Variants in ANO2 observed in about 807,000 individuals in gnomAD.
ANO2 encodes the protein anoctamin-2.
A neutral mutation model predicts 124.2 loss-of-function variants in ANO2; 101 were observed. The ratio of observed to expected loss-of-function variants is 0.81; its 90% CI spans 0.69 to 0.96. The LOEUF (loss-of-function observed/expected upper bound fraction) is 0.96, where lower values mean the gene tolerates loss of function less well. Ranked by LOEUF, ANO2 falls within the 40% of genes least tolerant of loss-of-function variation. The probability of loss-of-function intolerance (pLI) is 0.00; values close to 1 mark genes in which losing one functional copy is unlikely to be tolerated. For synonymous variants in ANO2, 486 were observed against 482.5 expected, an observed-to-expected ratio of 1.01 and a Z score of -0.09; for missense variants, 1,293 against 1,274.5, an observed-to-expected ratio of 1.01 and a Z score of -0.22.
intron 8 of ANO2, 21 bp downstream of exon 8, chr12:5,807,292 G>A (rs554237548): frequency 2.1e-5 from 33 of 1,547,228 alleles, no homozygotes; most frequent in Middle Eastern, 1.7e-4. Flanking sequence ...CAGAGAGCAC[G>A]CTGATGAAAA....
rs545126749 is a variant in ANO2, at chr12:5,787,351, C to T, written c.1055+12156G>A. 3.9e-5 allele frequency among the ~76,000 whole-genome samples: 6 copies of T among 152,138 alleles called. No individual in the cohort carries two copies. Among genetic ancestry groups the T allele is most frequent in the Non-Finnish European group, 8.8e-5 (6 of 68,018 alleles). ...GGTACGGTCCAAAATCCCTAACCAGCCCAAAAGCTCCTCCGTGACCTGGCT... is the reference window on the plus strand; with the variant it reads ...GGTACGGTCCAAAATCCCTAACCAGTCCAAAAGCTCCTCCGTGACCTGGCT... On this transcript the variant is annotated intron_variant, in intron 10 of 24. Transcript: ENST00000682330. The surrounding 1 kb of genome is among the most constrained non-coding windows in gnomAD (Gnocchi z 4.2).
intron 14 of ANO2, among the ~76,000 whole-genome samples, chr12:5,681,995 C>A (rs961478325): frequency 1.3e-5 from 2 of 152,196 alleles, no homozygotes; most frequent in Non-Finnish European, 2.9e-5. Flanking sequence ...ATTTCTTTCC[C>A]TTTCAACTTA....
At chr12:5,942,460 A>G (rs1173208861) in intron 1 of ANO2, among the ~76,000 whole-genome samples, 1 of 152,234 alleles carries the variant, frequency 6.6e-6, no homozygotes, top group Non-Finnish European at 1.5e-5. Context: ...TTTAGTGTAG[A>G]TAAACCAGTC....
chr12:5,590,343 C>T (rs1390563010), intron 20 of ANO2, among the ~76,000 whole-genome samples: 2 of 152,140 alleles, frequency 1.3e-5, no homozygotes, highest in African/African-American at 4.8e-5. Context: ...GAAAGATCGT[C>T]GACACAGCAA....
chr12:5,775,417 A>AT (rs967996144), intron 10 of ANO2, among the ~76,000 whole-genome samples: 5 of 149,234 alleles, frequency 3.4e-5, no homozygotes, highest in African/African-American at 1.2e-4. Flanking sequence ...CTTCTCAATG[A>AT]TTTTTCTGAA....
At chr12:5,906,739 G>A (rs188300294) in intron 3 of ANO2, among the ~76,000 whole-genome samples, 146 of 152,120 alleles carry the variant, frequency 9.6e-4, no homozygotes, top group Non-Finnish European at 1.4e-3. Flanking sequence ...AGGTTGCAGT[G>A]AGCCAAGATC....
intron 7 of ANO2, among the ~76,000 whole-genome samples, chr12:5,824,036 C>T (rs1388824051): frequency 6.6e-6 from 1 of 152,200 alleles, no homozygotes; most frequent in African/African-American, 2.4e-5. Flanking sequence ...AGTCCCTAGG[C>T]TGCACACAAC....
chr12:5,915,163 T>A (rs1444970439), intron 3 of ANO2, among the ~76,000 whole-genome samples: 2 of 152,188 alleles, frequency 1.3e-5, no homozygotes, highest in African/African-American at 4.8e-5. Context: ...GGTGCAGACG[T>A]CTCTGTCACC....
intron 3 of ANO2, chr12:5,870,136 G>C (rs1955532430): frequency 6.6e-6 from 1 of 152,390 alleles, no homozygotes; most frequent in Non-Finnish European, 1.5e-5. Context: ...CAAATGTGCA[G>C]AGCAATCCAT....
At chr12:5,689,823 T>C (rs35761144) in intron 14 of ANO2, among the ~76,000 whole-genome samples, 7,706 of 152,224 alleles carry the variant, frequency 0.051, 314 homozygotes, top group Non-Finnish European at 0.077. Context: ...GTCTGGCACA[T>C]AGTAAGCACT....
intron 10 of ANO2, among the ~76,000 whole-genome samples, chr12:5,775,960 C>G (rs1419949077): frequency 6.6e-6 from 1 of 152,182 alleles, no homozygotes; most frequent in Non-Finnish European, 1.5e-5. Flanking sequence ...AATACCAACA[C>G]CAGCTAAAAC....
At chr12:5,565,414 C>T (rs1941687969) in intron 24 of ANO2, 144 bp downstream of exon 24, 4 of 722,552 alleles carry the variant, frequency 5.5e-6, no homozygotes, top group Non-Finnish European at 9.2e-6. Flanking sequence ...CGGAAAGGAG[C>T]CCTCACTTCT....
In ANO2 at chr12:5,635,278, GAGAC is replaced by G. The variant is rs768954741; in HGVS notation, c.1686_1689del (p.Leu564IlefsTer10). ...ACATTGGAGCGTGTAGCCTTATTGAGAGACAGAGCGGCTGCAGTTGTTATTCGAT... is the reference window on the plus strand; with the variant it reads ...ACATTGGAGCGTGTAGCCTTATTGAGAGAGCGGCTGCAGTTGTTATTCGAT... On this transcript the variant is annotated frameshift_variant, in exon 16 of 25. Coordinates refer to ENST00000682330, the MANE Select transcript of ANO2 (RefSeq NM_001364791.2). LOFTEE classifies it high-confidence loss of function. The surrounding 1 kb of genome is among the most constrained non-coding windows in gnomAD (Gnocchi z 5.2). 2 of 1,611,224 alleles carry G rather than the reference GAGAC, an allele frequency of 1.2e-6. No individual in the cohort carries two copies. The highest frequency in any genetic ancestry group is 1.7e-5 in the Admixed American group (1 of 58,946).
intron 14 of ANO2, among the ~76,000 whole-genome samples, chr12:5,677,942 GAAGGTTGTGAAAACA>G (rs1238460809): frequency 6.6e-6 from 1 of 152,132 alleles, no homozygotes; most frequent in African/African-American, 2.4e-5. Flanking sequence ...TCAATGAATG[GAAGGTTGTGAAAACA>G]AACCTGCAGT....
At chr12:5,744,736 T>C (rs1591559672) in intron 11 of ANO2, among the ~76,000 whole-genome samples, 2 of 152,214 alleles carry the variant, frequency 1.3e-5, no homozygotes, top group South Asian at 4.1e-4. Flanking sequence ...TTGTAAAGCC[T>C]ACTGGCTGTC....
chr12:5,670,678 G>C (rs1412278029), intron 14 of ANO2, among the ~76,000 whole-genome samples: 1 of 151,968 alleles, frequency 6.6e-6, no homozygotes, highest in Non-Finnish European at 1.5e-5. Context: ...GGGACTAGAG[G>C]CTTGTACCAC....
chr12:5,592,673 T>G (rs537992617), intron 20 of ANO2, among the ~76,000 whole-genome samples: 1 of 151,326 alleles, frequency 6.6e-6, no homozygotes, highest in East Asian at 1.9e-4. Context: ...GTAGAAGGAG[T>G]GAAAAAGAAG....
chr12:5,569,784 A>G (rs538076257), intron 23 of ANO2, among the ~76,000 whole-genome samples: 1 of 152,330 alleles, frequency 6.6e-6, no homozygotes, highest in East Asian at 1.9e-4. Flanking sequence ...TGAGAATTAA[A>G]TAAGACAATC....
chr12:5,617,789 G>A (rs544429959), intron 16 of ANO2, among the ~76,000 whole-genome samples: 13 of 152,320 alleles, frequency 8.5e-5, no homozygotes, highest in African/African-American at 2.6e-4. Context: ...CTCTCTTTCC[G>A]GAAGCGTTAC....
Sources: gnomAD v4.1 joint callset for allele counts (sites outside exome capture counted in the v4.1 genomes callset) on GRCh38, gnomAD v4.1.1 for gene constraint, Gnocchi (gnomAD v3.1) non-coding constraint, MANE v1.5 for transcripts, NCBI Gene and HGNC (gene_info 2026-07-23, HGNC 2026-07-21) for gene names.